Variants in GPR143 observed in about 807,000 individuals in gnomAD.
GPR143 encodes G protein-coupled receptor 143, also known as G-protein coupled receptor 143.
In GPR143, 8 loss-of-function variants were observed where a neutral mutation model predicts 27.6. The observed-to-expected ratio is 0.29, with a 90% confidence interval of 0.17 to 0.52. The LOEUF is 0.52. GPR143 is among the 20% of genes least tolerant of loss of function. The pLI is 0.96. For synonymous variants in GPR143, 156 were observed against 153.2 expected (o/e 1.02, Z -0.13); for missense variants, 303 against 343.1 (o/e 0.88, Z 0.92).
intron 8 of GPR143, among the ~76,000 whole-genome samples, chrX:9,732,351 A>T (rs111393221): frequency 0.04 from 4,424 of 111,474 alleles, 211 homozygotes; most frequent in African/African-American, 0.14. Flanking sequence ...TGGGAAAGAC[A>T]GACCGGTAAG....
chrX:9,760,214 C>T (rs781556136), intron 2 of GPR143, among the ~76,000 whole-genome samples: 35 of 110,976 alleles, frequency 3.2e-4, no homozygotes, highest in African/African-American at 1.0e-3. Context: ...GTCTTAGCCA[C>T]CTGAGTAGCT....
chrX:9,752,446 A>T (rs1235635965), intron 3 of GPR143, among the ~76,000 whole-genome samples: 1 of 111,989 alleles, frequency 8.9e-6, no homozygotes, highest in East Asian at 2.8e-4. Context: ...CCCTGTCCTA[A>T]TTTCTGGAAC....
In GPR143 at chrX:9,759,319, C is replaced by T. The variant is rs779583422; in HGVS notation, c.455+13G>A. 60 of 1,084,370 alleles carry T rather than the reference C, an allele frequency of 5.5e-5. No individual in the cohort carries two copies. Among genetic ancestry groups the T allele is most frequent in the Non-Finnish European group, 7.5e-5 (59 of 787,272 alleles). 89.4% of individuals were successfully genotyped at this position (1,084,370 alleles called of 1,213,427 possible). A position where few individuals can be genotyped will look rare whatever the true frequency, so the allele number is the denominator to read the frequency against. ...TAGAACTAGGGCAGAAATCCCATTT[C>T]CTCGGTGAATACCTCAGTCCTGCCG... is the stretch of plus-strand genomic sequence containing the variant. On this transcript the variant is annotated intron_variant, in intron 3 of 8. Coordinates refer to ENST00000467482, the MANE Select transcript of GPR143 (RefSeq NM_000273.3).
intron 3 of GPR143, among the ~76,000 whole-genome samples, chrX:9,755,475 G>A (rs1859003): frequency 0.029 from 2,899 of 100,513 alleles, 107 homozygotes; most frequent in African/African-American, 0.1. Context: ...AAGAAACTAA[G>A]AGTGAAACTC....
At chrX:9,760,922 G>T (rs1458978357) in intron 1 of GPR143, 96 bp from the exon 2 acceptor site, 1 of 471,568 alleles carries the variant, frequency 2.1e-6, no homozygotes, top group Non-Finnish European at 3.9e-6. Context: ...AATAGATAGA[G>T]ATAGGAAGAG....
chrX:9,768,893 G>A (rs1023431032), upstream of GPR143, among the ~76,000 whole-genome samples: 1 of 110,980 alleles, frequency 9.0e-6, no homozygotes, highest in African/African-American at 3.3e-5. Flanking sequence ...GGCCAGGCTG[G>A]TCTTGAACTC....
chrX:9,759,785 C>A (rs1458445923), intron 2 of GPR143, among the ~76,000 whole-genome samples: 1 of 111,550 alleles, frequency 9.0e-6, no homozygotes, highest in Non-Finnish European at 1.9e-5. Flanking sequence ...GGCAGTCCTT[C>A]CAAAGAGAAG....
At chrX:9,742,318 G>A (rs12855117) in intron 6 of GPR143, among the ~76,000 whole-genome samples, 3,426 of 111,210 alleles carry the variant, frequency 0.031, 150 homozygotes, top group African/African-American at 0.11. Context: ...ACACAGGCTG[G>A]AGAGCAGTGG....
At chrX:9,776,612 C>T (rs1431066142) in intron 1 of GPR143, among the ~76,000 whole-genome samples, 1 of 98,883 alleles carries the variant, frequency 1.0e-5, no homozygotes, top group Non-Finnish European at 2.0e-5. Flanking sequence ...TGGTCTTGAA[C>T]TCCTGGCCTC....
intron 6 of GPR143, among the ~76,000 whole-genome samples, chrX:9,741,965 G>T (rs967978038): frequency 8.9e-6 from 1 of 111,783 alleles, no homozygotes; most frequent in East Asian, 2.8e-4. Context: ...AACATAATTC[G>T]TTTTCTCAGT....
intron 6 of GPR143, among the ~76,000 whole-genome samples, chrX:9,742,873 T>A (rs5978340): frequency 9.0e-6 from 1 of 110,545 alleles, no homozygotes; most frequent in African/African-American, 3.3e-5. Flanking sequence ...TTGGGAGGCC[T>A]AGACGGGTGG....
chrX:9,774,267 G>A (rs1171877215), intron 1 of GPR143, among the ~76,000 whole-genome samples: 2 of 112,862 alleles, frequency 1.8e-5, no homozygotes, highest in Non-Finnish European at 3.7e-5. Context: ...CAGCTTCTGT[G>A]TTTCCTGGCA....
At chrX:9,731,801 G>A (rs11095518) in intron 8 of GPR143, among the ~76,000 whole-genome samples, 31,048 of 93,414 alleles carry the variant, frequency 0.33, 4,759 homozygotes, top group East Asian at 0.63. Context: ...AGGAATTGGG[G>A]GGGGGGGGAA....
At chrX:9,727,665 G>A (rs142823952) in intron 8 of GPR143, among the ~76,000 whole-genome samples, 3,386 of 112,814 alleles carry the variant, frequency 0.03, 52 homozygotes, top group Non-Finnish European at 0.048. Flanking sequence ...ATATCCTAGA[G>A]TACTTGCTCC....
intron 6 of GPR143, among the ~76,000 whole-genome samples, chrX:9,742,449 A>G (rs992372560): frequency 9.0e-6 from 1 of 110,731 alleles, no homozygotes; most frequent in Non-Finnish European, 1.9e-5. Context: ...TTGTTGTTGT[A>G]TCGCCCAGGA....
chrX:9,767,070 G>A (rs544765082), upstream of GPR143, among the ~76,000 whole-genome samples: 34 of 110,867 alleles, frequency 3.1e-4, no homozygotes, highest in African/African-American at 1.1e-3. Context: ...TCTTAACTGC[G>A]TTAATTTTTC....
chrX:9,755,332 C>T (rs189910989), intron 3 of GPR143, among the ~76,000 whole-genome samples: 2 of 111,598 alleles, frequency 1.8e-5, no homozygotes, highest in Admixed American at 1.9e-4. Flanking sequence ...GCAGGAGAAT[C>T]GCTTGAACCC....
chrX:9,757,021 T>C (rs1475202386), intron 3 of GPR143, among the ~76,000 whole-genome samples: 2 of 112,923 alleles, frequency 1.8e-5, no homozygotes, highest in African/African-American at 6.4e-5. Flanking sequence ...AACTGATAAA[T>C]GGATAAACAA....
intron 8 of GPR143, among the ~76,000 whole-genome samples, chrX:9,737,010 A>G (rs1216977828): frequency 1.8e-5 from 2 of 112,336 alleles, no homozygotes; most frequent in Non-Finnish European, 3.8e-5. Flanking sequence ...TATTAACAGA[A>G]TAAGAGTGGG....
Sources: gnomAD v4.1 joint callset for allele counts (sites outside exome capture counted in the v4.1 genomes callset) on GRCh38, gnomAD v4.1.1 for gene constraint, MANE v1.5 for transcripts, NCBI Gene and HGNC (gene_info 2026-07-23, HGNC 2026-07-21) for gene names.